The following ABTB2 variants were observed in gnomAD, a reference collection of about 807,000 sequenced individuals.
ABTB2 encodes ankyrin repeat and BTB domain containing 2.
ABTB2 carries 56 observed loss-of-function variants against 104.1 expected under a neutral mutation model. The ratio of observed to expected loss-of-function variants is 0.54; its 90% CI spans 0.43 to 0.67. The LOEUF (loss-of-function observed/expected upper bound fraction) is 0.67. ABTB2 is among the 30% of genes least tolerant of loss of function. The pLI is 0.00. For synonymous variants in ABTB2, 606 were observed against 608.2 expected (o/e 1.00, Z 0.05); for missense variants, 1,279 against 1,407.7 (o/e 0.91, Z 1.46).
chr11:34,226,204 TAAAAAAA>T (rs34915007), intron 1 of ABTB2, among the ~76,000 whole-genome samples: 1 of 79,594 alleles, frequency 1.3e-5, no homozygotes, highest in Non-Finnish European at 2.4e-5. Flanking sequence ...GAGAGTCCAT[TAAAAAAA>T]AAAAAAAAAA....
At chr11:34,239,382 G>C (rs1225434694) in intron 1 of ABTB2, among the ~76,000 whole-genome samples, 1 of 151,986 alleles carries the variant, frequency 6.6e-6, no homozygotes, top group Non-Finnish European at 1.5e-5. Flanking sequence ...GCCCCATGCT[G>C]GAGTGCAGTG....
intron 6 of ABTB2, 135 bp from the exon 7 acceptor site, chr11:34,167,495 A>C: frequency 2.6e-6 from 2 of 766,114 alleles, no homozygotes; most frequent in Non-Finnish European, 4.3e-6. Context: ...CAAAGTGGAC[A>C]AGGCTCAAAA....
intron 3 of ABTB2, among the ~76,000 whole-genome samples, chr11:34,194,680 C>A (rs569354416): frequency 1.3e-5 from 2 of 151,912 alleles, no homozygotes; most frequent in Non-Finnish European, 2.9e-5. Context: ...ATCTGCTCAG[C>A]GACAGGAGCC....
intron 1 of ABTB2, among the ~76,000 whole-genome samples, chr11:34,304,071 T>C (rs777432871): frequency 1.5e-4 from 23 of 152,142 alleles, no homozygotes; most frequent in Non-Finnish European, 2.2e-4. Context: ...AGTAGCATGA[T>C]GAAATATTGC....
chr11:34,154,489 G>T lies in ABTB2; in HGVS notation c.2767-111C>A. The T allele has an allele frequency of 1.1e-6, 1 of 884,300 alleles. No individual in the cohort carries two copies. The highest frequency in any genetic ancestry group is 1.8e-6 in the Non-Finnish European group (1 of 559,674). 54.8% of individuals were successfully genotyped at this position (884,300 alleles called of 1,614,324 possible). On this transcript the variant is annotated intron_variant, in intron 15 of 16. Transcript: ENST00000435224. The surrounding 1 kb of genome is among the most constrained non-coding windows in gnomAD (Gnocchi z 4.9). ...TGTGCCCTGCTGCCTCCACCCTCAGGCCCCACTACCTTCTGATACTCCTGG... is the reference window on the plus strand; with the variant it reads ...TGTGCCCTGCTGCCTCCACCCTCAGTCCCCACTACCTTCTGATACTCCTGG...
chr11:34,167,575 C>T (rs1382944670), intron 6 of ABTB2, among the ~76,000 whole-genome samples: 1 of 152,146 alleles, frequency 6.6e-6, no homozygotes, highest in African/African-American at 2.4e-5. Flanking sequence ...GTGCTTTATG[C>T]TTCAGAGGGA....
chr11:34,233,453 C>T (rs1853800444), intron 1 of ABTB2, among the ~76,000 whole-genome samples: 1 of 151,764 alleles, frequency 6.6e-6, no homozygotes, highest in Non-Finnish European at 1.5e-5. Flanking sequence ...TGGGCTCAAG[C>T]AATCCTCCTG....
chr11:34,171,191 G>A (rs1349467589), intron 4 of ABTB2, 120 bp from the exon 5 acceptor site: 1 of 1,085,412 alleles, frequency 9.2e-7, no homozygotes, highest in Non-Finnish European at 1.3e-6. Flanking sequence ...GGAAGCACCA[G>A]GGAGTTATGA....
At chr11:34,186,362 G>A (rs968031377) in intron 3 of ABTB2, among the ~76,000 whole-genome samples, 1 of 152,238 alleles carries the variant, frequency 6.6e-6, no homozygotes, top group Non-Finnish European at 1.5e-5. Context: ...AGCACGCCAG[G>A]AACCAGCTCG....
At chr11:34,351,815 A>G (rs1411792805) in intron 1 of ABTB2, among the ~76,000 whole-genome samples, 1 of 152,132 alleles carries the variant, frequency 6.6e-6, no homozygotes, top group Non-Finnish European at 1.5e-5. Context: ...AAACATCACA[A>G]AGGGGTGGCT....
intron 1 of ABTB2, among the ~76,000 whole-genome samples, chr11:34,269,621 CAACG>C (rs1854290523): frequency 6.6e-6 from 1 of 152,232 alleles, no homozygotes; most frequent in Non-Finnish European, 1.5e-5. Flanking sequence ...GGCTGTGTCC[CAACG>C]AGCCTTCATG....
chr11:34,270,933 T>C (rs1854307105), intron 1 of ABTB2, among the ~76,000 whole-genome samples: 1 of 152,234 alleles, frequency 6.6e-6, no homozygotes, highest in African/African-American at 2.4e-5. Flanking sequence ...CTCTTGACTT[T>C]AGGCAGCTGA....
At chr11:34,165,218 G>T in intron 8 of ABTB2, 42 bp downstream of exon 8, 1 of 1,510,112 alleles carries the variant, frequency 6.6e-7, no homozygotes, top group South Asian at 1.3e-5. Flanking sequence ...GGGGGGCACT[G>T]CAGGGAAGGG....
In ABTB2 at chr11:34,160,890, T is replaced by C. The variant is rs1283469992; in HGVS notation, c.2397+13A>G. ...GGCCGTGGGCTTGGGAACTGGCCAC[T>C]GGCCACACTTACTTTGCTGGTCTTG... On this transcript the variant is annotated intron_variant, in intron 11 of 16. Coordinates refer to ENST00000435224, the MANE Select transcript of ABTB2 (RefSeq NM_145804.3). 1.9e-6 allele frequency: 3 copies of C among 1,591,256 alleles called. No homozygotes were observed. The South Asian group carries it at 3.4e-5, about 18-fold the overall frequency.
intron 1 of ABTB2, among the ~76,000 whole-genome samples, chr11:34,277,873 C>G (rs1178874568): frequency 6.9e-6 from 1 of 145,664 alleles, no homozygotes; most frequent in Non-Finnish European, 1.5e-5. Context: ...GGCACAGCCT[C>G]AGCTCACTGC....
chr11:34,152,617 T>C (rs1852560995), intron 16 of ABTB2, 33 bp from the exon 17 acceptor site: 4 of 1,585,594 alleles, frequency 2.5e-6, no homozygotes, highest in African/African-American at 1.3e-5. Context: ...GTGAAGCCCA[T>C]CGCCTTAGTA....
chr11:34,159,161 T>C, intron 14 of ABTB2, 135 bp downstream of exon 14: 1 of 675,594 alleles, frequency 1.5e-6, no homozygotes, highest in Non-Finnish European at 2.6e-6. Context: ...ACCTGGATGC[T>C]CTATTCATTC....
intron 7 of ABTB2, 43 bp downstream of exon 7, chr11:34,167,216 C>T: frequency 6.5e-7 from 1 of 1,547,664 alleles, no homozygotes; most frequent in Non-Finnish European, 8.8e-7. Context: ...CCCAGGTCAC[C>T]TGGTAAGCTG....
intron 1 of ABTB2, among the ~76,000 whole-genome samples, chr11:34,297,142 C>T (rs190033073): frequency 3.3e-5 from 5 of 152,268 alleles, no homozygotes; most frequent in East Asian, 1.9e-4. Flanking sequence ...ACTTTCTGTA[C>T]GTATTCATTT....
Sources: allele counts gnomAD v4.1 joint callset (sites outside exome capture counted in the v4.1 genomes callset), GRCh38; gene constraint gnomAD v4.1.1; non-coding constraint Gnocchi (gnomAD v3.1); transcripts MANE v1.5; gene names NCBI Gene and HGNC (gene_info 2026-07-23, HGNC 2026-07-21).